The following REEP3 variants were observed in gnomAD, a reference collection of about 807,000 sequenced individuals.
REEP3 encodes receptor accessory protein 3.
REEP3 carries 20 observed loss-of-function variants against 41.3 expected under a neutral mutation model. That is an observed-to-expected ratio of 0.48 (90% CI 0.34 to 0.70). The LOEUF is 0.70. REEP3 is among the 30% of genes least tolerant of loss of function. The pLI is 0.01. For missense variants in REEP3, 271 were observed against 308.8 expected (o/e 0.88, Z 0.92); for synonymous variants, 104 against 101.8 (o/e 1.02, Z -0.13).
chr10:63,537,342 A>G (rs1955484334), intron 1 of REEP3, among the ~76,000 whole-genome samples: 1 of 152,208 alleles, frequency 6.6e-6, no homozygotes, highest in Admixed American at 6.5e-5. Context: ...ATACATACAC[A>G]CATATATATA....
intron 5 of REEP3, among the ~76,000 whole-genome samples, chr10:63,601,089 G>C (rs1207108798): frequency 6.6e-6 from 1 of 151,926 alleles, no homozygotes; most frequent in East Asian, 1.9e-4. Flanking sequence ...GGGAGGCGGA[G>C]GCTGCACTGA....
At position 63,619,792 on chromosome 10, in the gene REEP3, C is replaced by A; in HGVS notation, c.703C>A (p.Arg235Ser). The A allele has an allele frequency of 6.2e-7, 1 of 1,607,910 alleles. No homozygotes were observed. The highest frequency in any genetic ancestry group is 1.7e-5 in the Admixed American group (1 of 59,282). ...GAAATCTGTGAAAACCACCAAAGGC[C>A]GCAAAGAGGTTGGTTAAGTGTAGAG... ...SMKSVKTTKGRKEVRYGSLKY... is the reference protein window; with the variant it reads ...SMKSVKTTKGSKEVRYGSLKY... Residue 235 changes from arginine (R) to serine (S), a missense_variant, in exon 7 of 8, where the codon CGC becomes AGC. Physicochemically the swap from Arg to Ser is moderately radical, Grantham distance 110. Transcript: ENST00000373758.
At chr10:63,599,646 T>G in intron 5 of REEP3, 1 of 974,910 alleles carries the variant, frequency 1.0e-6, no homozygotes, top group Non-Finnish European at 1.2e-6. Context: ...TTCTGTCTCT[T>G]TGTCAATGGC....
intron 6 of REEP3, 123 bp downstream of exon 6, chr10:63,610,457 T>C (rs1956269235): frequency 1.1e-6 from 1 of 889,598 alleles, no homozygotes; most frequent in Non-Finnish European, 1.7e-6. Flanking sequence ...AAATACCTAA[T>C]GCATACGGGG....
At chr10:63,538,675 C>T (rs1021091765) in intron 1 of REEP3, among the ~76,000 whole-genome samples, 4 of 151,870 alleles carry the variant, frequency 2.6e-5, no homozygotes, top group African/African-American at 4.8e-5. Flanking sequence ...CAGAGGTTGC[C>T]GTGAGCCAAG....
intron 1 of REEP3, among the ~76,000 whole-genome samples, chr10:63,558,191 A>G (rs1252917468): frequency 6.6e-6 from 1 of 152,242 alleles, no homozygotes; most frequent in Non-Finnish European, 1.5e-5. Flanking sequence ...TTAGAATAAC[A>G]TCACCTAGAG....
chr10:63,522,868 G>A (rs1955300584), intron 1 of REEP3, among the ~76,000 whole-genome samples: 1 of 152,144 alleles, frequency 6.6e-6, no homozygotes, highest in African/African-American at 2.4e-5. Flanking sequence ...TACCACAGAT[G>A]CCTTCAGATT....
chr10:63,552,193 A>G (rs1263958054), intron 1 of REEP3, among the ~76,000 whole-genome samples: 3 of 152,092 alleles, frequency 2.0e-5, no homozygotes, highest in Non-Finnish European at 4.4e-5. Context: ...TCACGAGGTC[A>G]GGAGATCAAG....
chr10:63,574,125 C>G (rs1247123302), intron 2 of REEP3, among the ~76,000 whole-genome samples: 1 of 152,160 alleles, frequency 6.6e-6, no homozygotes, highest in Non-Finnish European at 1.5e-5. Context: ...AATCTTTTAG[C>G]ATTTATTGCC....
At chr10:63,560,246 A>T (rs2393986) in intron 1 of REEP3, among the ~76,000 whole-genome samples, 68,067 of 151,964 alleles carry the variant, frequency 0.45, 15,788 homozygotes, top group South Asian at 0.53. Flanking sequence ...AGAAGAATAG[A>T]TTAAAAACAG....
At chr10:63,534,953 A>G (rs1955460506) in intron 1 of REEP3, among the ~76,000 whole-genome samples, 1 of 152,158 alleles carries the variant, frequency 6.6e-6, no homozygotes. Flanking sequence ...ATGCTCTCCC[A>G]CTGCAAAGTA....
chr10:63,549,826 A>C (rs1955611747), intron 1 of REEP3, among the ~76,000 whole-genome samples: 2 of 152,172 alleles, frequency 1.3e-5, no homozygotes, highest in African/African-American at 4.8e-5. Context: ...AAAGATGAGG[A>C]GGGAAGGAGG....
chr10:63,543,447 C>T (rs1955548115), intron 1 of REEP3, among the ~76,000 whole-genome samples: 1 of 137,404 alleles, frequency 7.3e-6, no homozygotes, highest in Non-Finnish European at 1.5e-5. Flanking sequence ...AGACTTGCAC[C>T]ACCATGCCCC....
chr10:63,584,865 A>C lies in REEP3; in HGVS notation c.106-9913A>C, dbSNP rs557814741. The stretch of plus-strand genomic sequence containing the variant: ...GGTGGTCTGAAATTCAGCAGTGTTT[A>C]TTTCTTTTTAGACTCAGCAGAGATT... On this transcript the variant is annotated intron_variant, in intron 2 of 7. Transcript: ENST00000373758. 7.2e-4 allele frequency among the ~76,000 whole-genome samples: 110 copies of C among 152,124 alleles called. 1 individual carries two copies. The highest frequency in any genetic ancestry group is 1.9e-3 in the South Asian group (9 of 4,822).
intron 2 of REEP3, among the ~76,000 whole-genome samples, chr10:63,570,986 G>A (rs1007042097): frequency 6.6e-6 from 1 of 152,130 alleles, no homozygotes; most frequent in Non-Finnish European, 1.5e-5. Context: ...ATGGTGGTGT[G>A]TGCCTGTAGT....
At chr10:63,545,673 A>C (rs1955570911) in intron 1 of REEP3, among the ~76,000 whole-genome samples, 1 of 139,268 alleles carries the variant, frequency 7.2e-6, no homozygotes. Flanking sequence ...GCGCCTGGCC[A>C]ACTTCTGTTT....
At chr10:63,537,600 G>A (rs1955486752) in intron 1 of REEP3, among the ~76,000 whole-genome samples, 1 of 152,134 alleles carries the variant, frequency 6.6e-6, no homozygotes, top group African/African-American at 2.4e-5. Context: ...CAGTGAGTCA[G>A]GACCAAGATA....
chr10:63,602,144 G>A (rs1004503234), intron 5 of REEP3, among the ~76,000 whole-genome samples: 1 of 151,840 alleles, frequency 6.6e-6, no homozygotes, highest in Admixed American at 6.6e-5. Flanking sequence ...TTAACTCTGG[G>A]GAAAAAAGTT....
intron 6 of REEP3, among the ~76,000 whole-genome samples, 196 bp from the exon 7 acceptor site, chr10:63,619,459 G>A (rs1956335901): frequency 6.6e-6 from 1 of 152,120 alleles, no homozygotes; most frequent in South Asian, 2.1e-4. Flanking sequence ...TTTCCTGGAG[G>A]AAATGAGTTA....
Sources: gnomAD v4.1 joint callset for allele counts (sites outside exome capture counted in the v4.1 genomes callset) on GRCh38, gnomAD v4.1.1 for gene constraint, MANE v1.5 for transcripts, NCBI Gene and HGNC (gene_info 2026-07-23, HGNC 2026-07-21) for gene names.